Variants in ZNF655 observed in about 807,000 individuals in gnomAD.
ZNF655 encodes zinc finger protein 655, also known as Vav-interacting Kruppel-like protein 1.
ZNF655 carries 3 observed loss-of-function variants against 6.6 expected under a neutral mutation model. The ratio of observed to expected loss-of-function variants is 0.46; its 90% CI spans 0.21 to 1.18. The LOEUF (loss-of-function observed/expected upper bound fraction) is 1.18, where lower values mean the gene tolerates loss of function less well. Ranked by LOEUF, ZNF655 falls within the 50% of genes most tolerant of loss-of-function variation. ZNF655 has a pLI of 0.24. For synonymous variants in ZNF655, 178 were observed against 195.0 expected, an observed-to-expected ratio of 0.91 and a Z score of 0.73; for missense variants, 526 against 572.3, an observed-to-expected ratio of 0.92 and a Z score of 0.83.
chr7:99,561,970 C>T lies in ZNF655; in HGVS notation c.136+1275C>T, dbSNP rs2293257. 174 of 1,585,430 alleles carry T rather than the reference C, an allele frequency of 1.1e-4. 1 individual carries two copies. The East Asian group carries it at 4.1e-3, about 37-fold the overall frequency. On this transcript the variant is annotated intron_variant, in intron 2 of 2. Transcript: ENST00000252713. ...CAGCTGCGCTCTTGACAGCCAGGTA[C>T]CAGGTGAGCTGAGGAACCCTCTGCT...
intron 2 of ZNF655, among the ~76,000 whole-genome samples, chr7:99,566,089 C>T (rs1249467069): frequency 2.6e-5 from 4 of 151,450 alleles, no homozygotes; most frequent in Admixed American, 2.0e-4. Flanking sequence ...TTAATCCTTA[C>T]CATAACCCTG....
At chr7:99,562,505 C>G in intron 2 of ZNF655, 1 of 1,604,984 alleles carries the variant, frequency 6.2e-7, no homozygotes, top group African/African-American at 1.3e-5. Context: ...GTAAGGACTT[C>G]CTTATTATTC....
Position 99,573,455 on chromosome 7 carries a change from A to G in ZNF655, c.1347A>G (p.Ser449=), listed in dbSNP as rs773370339. The G allele has an allele frequency of 3.7e-6, 6 of 1,614,008 alleles. No homozygotes were observed. The African/African-American group carries it at 4.0e-5, about 11-fold the overall frequency. Reference sequence around the variant, plus strand: ...ATGAGGGCAGTTTCAGTCATAGCTCAGATCTTATCCTGCAACAAGAAGTCC... The same window carrying G: ...ATGAGGGCAGTTTCAGTCATAGCTCGGATCTTATCCTGCAACAAGAAGTCC... The part of the protein sequence containing the change: ...NEYEGSFSHS[S]DLILQQEVLT... Residue 449 remains serine (S), a synonymous_variant, in exon 3 of 3, where the codon TCA becomes TCG. Coordinates refer to ENST00000252713, the MANE Select transcript of ZNF655 (RefSeq NM_138494.3).
Position 99,573,545 on chromosome 7 carries a change from A to G in ZNF655, c.1437A>G (p.Leu479=), listed in dbSNP as rs748327658. 6.2e-7 allele frequency: 1 copy of G among 1,607,850 alleles called. No individual in the cohort carries two copies. The highest frequency in any genetic ancestry group is 8.5e-7 in the Non-Finnish European group (1 of 1,179,898). ...WEKNSSQRAH[L]VQHQSIHTKE... is the part of the protein sequence containing the mutation. The stretch of plus-strand genomic sequence containing the variant: ...AGAACTCCAGTCAGAGAGCACATCT[A>G]GTTCAACATCAGAGCATTCATACCA... The change falls in exon 3 of 3, where the codon CTA becomes CTG. Residue 479 remains leucine (L), a synonymous_variant. Coordinates refer to ENST00000252713, the MANE Select transcript of ZNF655 (RefSeq NM_138494.3).
At position 99,572,513 on chromosome 7, in the gene ZNF655, A is replaced by G; in HGVS notation, c.405A>G (p.Glu135=). The G allele has an allele frequency of 6.2e-7, 1 of 1,614,044 alleles. No homozygotes were observed. Among genetic ancestry groups the G allele is most frequent in the East Asian group, 2.2e-5 (1 of 44,870 alleles). The change falls in exon 3 of 3, where the codon GAA becomes GAG. Residue 135 remains glutamate (E), a synonymous_variant. Coordinates refer to ENST00000252713, the MANE Select transcript of ZNF655 (RefSeq NM_138494.3). ...SEKNNECHEP[E]KSFSLDSTID... ...AGAACAATGAATGTCATGAACCCGA[A>G]AAAAGCTTCAGTCTGGACTCTACTA...
In ZNF655 at chr7:99,560,655, G is replaced by C; in HGVS notation, c.96G>C (p.Gln32His). The change falls in exon 2 of 3, where the codon CAG becomes CAC. Residue 32 changes from glutamine (Q) to histidine (H), a missense_variant. By Grantham distance (24) the Gln-to-His change is conservative. Coordinates refer to ENST00000252713, the MANE Select transcript of ZNF655 (RefSeq NM_138494.3). The stretch of plus-strand genomic sequence containing the variant: ...CTGAGTGTCTGTCCCCAGAGCCTCA[G>C]TTTGTGCAGGACACCGACATGGAAC... Reference protein sequence around the residue: ...TQSECLSPEPQFVQDTDMEQG... With the variant: ...TQSECLSPEPHFVQDTDMEQG... 1 of 1,614,186 alleles carries C rather than the reference G, an allele frequency of 6.2e-7. No homozygotes were observed. Among genetic ancestry groups the C allele is most frequent in the African/African-American group, 1.3e-5 (1 of 75,056 alleles).
At chr7:99,567,882 A>T (rs889895377) in intron 2 of ZNF655, among the ~76,000 whole-genome samples, 1 of 151,810 alleles carries the variant, frequency 6.6e-6, no homozygotes, top group Non-Finnish European at 1.5e-5. Flanking sequence ...AACATGGTGA[A>T]ACCCCGTCTC....
At chr7:99,563,295 AT>A in intron 2 of ZNF655, 1 of 253,664 alleles carries the variant, frequency 3.9e-6, no homozygotes, top group Non-Finnish European at 7.7e-6. Flanking sequence ...TCTTTAGTTT[AT>A]TTTTTATATT....
Position 99,573,210 on chromosome 7 carries a change from A to G in ZNF655, c.1102A>G (p.Ile368Val). The G allele has an allele frequency of 6.2e-7, 1 of 1,614,146 alleles. No homozygotes were observed. Among genetic ancestry groups the G allele is most frequent in the African/African-American group, 1.3e-5 (1 of 75,058 alleles). Residue 368 changes from isoleucine (I) to valine (V), a missense_variant, in exon 3 of 3, where the codon ATT (isoleucine) becomes GTT (valine). Physicochemically the swap from Ile to Val is conservative, Grantham distance 29 (BLOSUM62 3). Coordinates refer to ENST00000252713, the MANE Select transcript of ZNF655 (RefSeq NM_138494.3). ...GTATGATGAATATGGGTTGGCCTAT[A>G]TTAAACAACAAGGAATTCATTTCAG... ...YEYDEYGLAY[I>V]KQQGIHFREK...
intron 2 of ZNF655, chr7:99,571,162 AT>A (rs1216426491): frequency 4.6e-6 from 5 of 1,088,258 alleles, no homozygotes; most frequent in Non-Finnish European, 6.1e-6. Flanking sequence ...AGAATGTGTC[AT>A]ATTACTCTTT....
chr7:99,562,507 T>G, intron 2 of ZNF655: 1 of 1,605,256 alleles, frequency 6.2e-7, no homozygotes, highest in Non-Finnish European at 8.5e-7. Flanking sequence ...AAGGACTTCC[T>G]TATTATTCGG....
At chr7:99,559,312 G>C (rs1802885487) in intron 1 of ZNF655, among the ~76,000 whole-genome samples, 1 of 152,170 alleles carries the variant, frequency 6.6e-6, no homozygotes. Context: ...AGTTTTATTC[G>C]CCAAGCCCGT....
intron 2 of ZNF655, chr7:99,564,172 C>T: frequency 7.0e-7 from 1 of 1,434,336 alleles, no homozygotes; most frequent in South Asian, 1.6e-5. Flanking sequence ...CCAAGGAAGC[C>T]CTCTGTTGCA....
chr7:99,564,609 T>A, intron 2 of ZNF655: 1 of 985,458 alleles, frequency 1.0e-6, no homozygotes, highest in Non-Finnish European at 1.2e-6. Flanking sequence ...TCAAATTGAA[T>A]ATCTACTTAA....
At chr7:99,567,971 A>AT (rs1021018459) in intron 2 of ZNF655, among the ~76,000 whole-genome samples, 2 of 150,824 alleles carry the variant, frequency 1.3e-5, no homozygotes, top group Admixed American at 6.6e-5. Flanking sequence ...AGGCTGGAGA[A>AT]TCGCTTGAAC....
intron 2 of ZNF655, among the ~76,000 whole-genome samples, chr7:99,563,445 A>C (rs1319290452): frequency 6.6e-6 from 1 of 152,016 alleles, no homozygotes; most frequent in Non-Finnish European, 1.5e-5. Flanking sequence ...CAGCCTCCCA[A>C]GTAGCTGGGA....
At chr7:99,564,237 C>A (rs1803458182) in intron 2 of ZNF655, 3 of 1,358,146 alleles carry the variant, frequency 2.2e-6, no homozygotes, top group Non-Finnish European at 2.8e-6. Flanking sequence ...TGGTCATCAT[C>A]TACTTGTATT....
rs201201161 is a variant in ZNF655, at chr7:99,572,415, C to G, written c.307C>G (p.Leu103Val). 1 of 1,613,648 alleles carries G rather than the reference C, an allele frequency of 6.2e-7. No homozygotes were observed. The highest frequency in any genetic ancestry group is 8.5e-7 in the Non-Finnish European group (1 of 1,179,846). Reference protein sequence around the residue: ...EDRLERLQEILRKFLYLEREF... With the variant: ...EDRLERLQEIVRKFLYLEREF... ...CAGATTAGAAAGACTTCAGGAAATT[C>G]TAAGGAAATTTCTGTACCTGGAGAG... The change falls in exon 3 of 3, where the codon CTA (leucine) becomes GTA (valine). Residue 103 changes from leucine (L) to valine (V), a missense_variant. Transcript: ENST00000252713.
chr7:99,564,256 C>T, intron 2 of ZNF655: 1 of 1,339,428 alleles, frequency 7.5e-7, no homozygotes. Flanking sequence ...TTGTGAAAAA[C>T]CAGAAATTCC....
Sources: gnomAD v4.1 joint callset for allele counts (sites outside exome capture counted in the v4.1 genomes callset) on GRCh38, gnomAD v4.1.1 for gene constraint, MANE v1.5 for transcripts, NCBI Gene and HGNC (gene_info 2026-07-23, HGNC 2026-07-21) for gene names.